Variants in FMN1 observed in about 807,000 individuals in gnomAD.
FMN1 encodes formin-1.
A neutral mutation model predicts 132.4 loss-of-function variants in FMN1; 110 were observed. That is an observed-to-expected ratio of 0.83 (90% confidence interval 0.71 to 0.97). The LOEUF (loss-of-function observed/expected upper bound fraction) is 0.97. Ranked by LOEUF, FMN1 falls within the 50% of genes least tolerant of loss-of-function variation. The probability of loss-of-function intolerance (pLI) is 0.00; values close to 1 mark genes in which losing one functional copy is unlikely to be tolerated. For missense variants in FMN1, 1,792 were observed against 1,705.3 expected (o/e 1.05, Z -0.90); for synonymous variants, 722 against 651.7 (o/e 1.11, Z -1.64).
At chr15:32,861,494 C>G (rs2059267243) in intron 16 of FMN1, among the ~76,000 whole-genome samples, 1 of 152,168 alleles carries the variant, frequency 6.6e-6, no homozygotes, top group Non-Finnish European at 1.5e-5. Flanking sequence ...TTTTTCTCAT[C>G]TGCAAAATGG....
At chr15:32,825,411 G>C (rs796905687) in intron 17 of FMN1, among the ~76,000 whole-genome samples, 7 of 152,228 alleles carry the variant, frequency 4.6e-5, no homozygotes, top group African/African-American at 1.4e-4. Context: ...AGCTGCCTCA[G>C]GGCTGCCAAT....
chr15:32,932,750 A>G (rs916151401), intron 9 of FMN1, among the ~76,000 whole-genome samples: 12 of 152,080 alleles, frequency 7.9e-5, no homozygotes, highest in Non-Finnish European at 1.5e-5. Flanking sequence ...CTAGGAATTG[A>G]TCTATTTCTC....
At chr15:32,777,669 T>C (rs1239252203) in intron 19 of FMN1, among the ~76,000 whole-genome samples, 2 of 141,100 alleles carry the variant, frequency 1.4e-5, no homozygotes, top group African/African-American at 2.6e-5. Context: ...ACGTATAACA[T>C]AACACATTTA....
chr15:32,857,990 T>C (rs2059175385), intron 16 of FMN1, among the ~76,000 whole-genome samples: 1 of 152,234 alleles, frequency 6.6e-6, no homozygotes, highest in African/African-American at 2.4e-5. Flanking sequence ...CTTTCATCTG[T>C]TGACCATGGC....
chr15:32,946,956 A>C (rs1020142364), intron 9 of FMN1, among the ~76,000 whole-genome samples: 1 of 152,186 alleles, frequency 6.6e-6, no homozygotes, highest in African/African-American at 2.4e-5. Flanking sequence ...AACAATTCTT[A>C]TTGAGCTATA....
intron 9 of FMN1, among the ~76,000 whole-genome samples, chr15:32,950,979 CTTT>C (rs66657218): frequency 6.8e-6 from 1 of 147,024 alleles, no homozygotes; most frequent in Non-Finnish European, 1.5e-5. Context: ...AGAACTTTTG[CTTT>C]TTTTTTTAAA....
intron 10 of FMN1, among the ~76,000 whole-genome samples, chr15:32,912,208 TAAGTA>T (rs569143136): frequency 1.6e-3 from 247 of 152,288 alleles, no homozygotes; most frequent in Non-Finnish European, 2.7e-3. Context: ...CTTTTCCTAG[TAAGTA>T]AATACTCAGT....
intron 10 of FMN1, among the ~76,000 whole-genome samples, chr15:32,915,453 C>G (rs1442804751): frequency 6.6e-6 from 1 of 152,206 alleles, no homozygotes; most frequent in African/African-American, 2.4e-5. Context: ...AGTCAGTCTT[C>G]AACTAAACTA....
intron 17 of FMN1, among the ~76,000 whole-genome samples, chr15:32,840,345 G>A (rs541185455): frequency 7.2e-5 from 11 of 152,270 alleles, no homozygotes; most frequent in African/African-American, 2.6e-4. Flanking sequence ...ATTCCCAGGA[G>A]GAGCCATGAT....
intron 4 of FMN1, among the ~76,000 whole-genome samples, chr15:33,100,436 T>C (rs997730236): frequency 1.3e-5 from 2 of 151,038 alleles, no homozygotes; most frequent in African/African-American, 2.4e-5. Context: ...GAAACGGGGG[T>C]TGACACCTAT....
At chr15:32,933,952 T>A (rs2140400584) in intron 9 of FMN1, among the ~76,000 whole-genome samples, 1 of 152,334 alleles carries the variant, frequency 6.6e-6, no homozygotes. Flanking sequence ...GTCTTTTGAC[T>A]GAGAAATTTT....
intron 6 of FMN1, among the ~76,000 whole-genome samples, chr15:33,018,624 G>A (rs1351916118): frequency 1.3e-5 from 2 of 152,190 alleles, no homozygotes; most frequent in Admixed American, 6.5e-5. Flanking sequence ...CTCTTCATCT[G>A]TATCCTTTGT....
intron 18 of FMN1, among the ~76,000 whole-genome samples, chr15:32,803,049 TTGGCACCTGTGAAAGCAGGGCAGA>T (rs1370271941): frequency 6.6e-6 from 1 of 152,198 alleles, no homozygotes; most frequent in Admixed American, 6.6e-5. Flanking sequence ...GGGCAAGATG[TTGGCACCTGTGAAAGCAGGGCAGA>T]TGGCACCGTC....
chr15:33,018,592 C>T (rs1416349622), intron 6 of FMN1, among the ~76,000 whole-genome samples: 1 of 152,150 alleles, frequency 6.6e-6, no homozygotes, highest in Admixed American at 6.5e-5. Flanking sequence ...ACGGCCCTTC[C>T]CCCGTACCTT....
At chr15:33,026,976 A>G (rs557416611) in intron 6 of FMN1, among the ~76,000 whole-genome samples, 32 of 152,320 alleles carry the variant, frequency 2.1e-4, no homozygotes, top group South Asian at 4.1e-4. Context: ...CTACCATTCA[A>G]AATTTAAGAT....
rs777385664 is a variant in FMN1, at chr15:32,910,455, G to A, written c.3288+19C>T. 1.3e-6 allele frequency: 2 copies of A among 1,547,696 alleles called. No homozygotes were observed. The highest frequency in any genetic ancestry group is 8.8e-7 in the Non-Finnish European group (1 of 1,137,658). On this transcript the variant is annotated intron_variant, in intron 11 of 20. Coordinates refer to ENST00000616417, the MANE Select transcript of FMN1 (RefSeq NM_001277313.2). ...AGATAAATATGGAAATACTAGCTCT[G>A]TAAGTCTTTGACACTCACGTTTTCA...
At chr15:33,025,073 T>G (rs12905543) in intron 6 of FMN1, among the ~76,000 whole-genome samples, 21,084 of 152,154 alleles carry the variant, frequency 0.14, 1,671 homozygotes, top group Middle Eastern at 0.23. Flanking sequence ...AACATGGGAT[T>G]AATAACAATT....
chr15:33,013,858 C>T (rs1488675528), intron 6 of FMN1, among the ~76,000 whole-genome samples: 1 of 152,190 alleles, frequency 6.6e-6, no homozygotes, highest in East Asian at 1.9e-4. Context: ...AGAATAGCAT[C>T]TACATTCTAA....
intron 6 of FMN1, among the ~76,000 whole-genome samples, chr15:33,039,730 A>G (rs545984762): frequency 1.1e-3 from 166 of 149,024 alleles, no homozygotes; most frequent in Middle Eastern, 3.4e-3. Flanking sequence ...AATGAAACCA[A>G]GAATATCTAC....
Sources: gnomAD v4.1 joint callset for allele counts (sites outside exome capture counted in the v4.1 genomes callset) on GRCh38, gnomAD v4.1.1 for gene constraint, MANE v1.5 for transcripts, NCBI Gene and HGNC (gene_info 2026-07-23, HGNC 2026-07-21) for gene names.